The following TPD52L1 variants were observed in gnomAD, a reference collection of about 807,000 sequenced individuals.
TPD52L1 encodes the protein TPD52 like 1.
Under a neutral mutation model 28.7 loss-of-function variants are expected in TPD52L1, and 18 were observed. The observed-to-expected ratio is 0.63, with a 90% CI of 0.43 to 0.93. The LOEUF is 0.93. TPD52L1 is among the 40% of genes least tolerant of loss of function. The pLI, the probability that TPD52L1 is intolerant of heterozygous loss-of-function variation, is 0.00. For synonymous variants in TPD52L1, 75 were observed against 88.8 expected, an observed-to-expected ratio of 0.84 and a Z score of 0.88; for missense variants, 203 against 254.8, an observed-to-expected ratio of 0.80 and a Z score of 1.39.
In TPD52L1 at chr6:125,220,146, A is replaced by G. The variant is rs202167306; in HGVS notation, c.88A>G (p.Met30Val). The G allele has an allele frequency of 6.2e-7, 1 of 1,613,904 alleles. No individual in the cohort carries two copies. Among genetic ancestry groups the G allele is most frequent in the Non-Finnish European group, 8.5e-7 (1 of 1,179,806 alleles). The change falls in exon 2 of 7, where the codon ATG becomes GTG. Residue 30 changes from methionine (M) to valine (V), a missense_variant. Physicochemically the swap from Met to Val is conservative, Grantham distance 21. Coordinates refer to ENST00000534000, the MANE Select transcript of TPD52L1 (RefSeq NM_003287.4). The stretch of plus-strand genomic sequence containing the variant: ...AGTAGCCAGTGCTGACTTCTCTAGC[A>G]TGCTCTCTGAGGAGGAAAAGGAAGA... Reference protein sequence around the residue: ...DAVASADFSSMLSEEEKEELK... With the variant: ...DAVASADFSSVLSEEEKEELK...
chr6:125,209,180 G>A (rs191063167), intron 1 of TPD52L1, among the ~76,000 whole-genome samples: 2 of 152,306 alleles, frequency 1.3e-5, no homozygotes, highest in South Asian at 2.1e-4. Flanking sequence ...ATGGCCACAT[G>A]ACCCAAATGA....
intron 1 of TPD52L1, chr6:125,214,417 C>T (rs1008314667): frequency 3.1e-6 from 3 of 981,036 alleles, no homozygotes; most frequent in Admixed American, 6.2e-5. Flanking sequence ...CTCCTTTCCT[C>T]TTCCCACAAT....
At chr6:125,217,558 C>T (rs1794966894) in intron 1 of TPD52L1, among the ~76,000 whole-genome samples, 1 of 152,044 alleles carries the variant, frequency 6.6e-6, no homozygotes, top group South Asian at 2.1e-4. Flanking sequence ...GTAATGCAAG[C>T]AGTGGGGAGT....
rs1170368190 is a variant in TPD52L1, at chr6:125,172,205, CTTCT to C, written c.19+18247_19+18250del. 1.5e-4 allele frequency among the ~76,000 whole-genome samples: 15 copies of C among 98,946 alleles called. No individual in the cohort carries two copies. The East Asian group carries it at 2.4e-3, about 16-fold the overall frequency. 64.9% of individuals were successfully genotyped at this position (98,946 alleles called of 152,430 possible). A position where few individuals can be genotyped will look rare whatever the true frequency, so the allele number is the denominator to read the frequency against. ...TCTTTCTTTCTTTCTTTCTTTCTTT[CTTCT>C]TTCTTTCTTTCCTTCCTTCCTCTTT... On this transcript the variant is annotated intron_variant, in intron 1 of 6. Coordinates refer to ENST00000534000, the MANE Select transcript of TPD52L1 (RefSeq NM_003287.4).
chr6:125,217,217 A>G (rs1027356431), intron 1 of TPD52L1, among the ~76,000 whole-genome samples: 5 of 152,184 alleles, frequency 3.3e-5, no homozygotes, highest in Admixed American at 1.3e-4. Context: ...TAATTTTTCC[A>G]CAGACAAAGG....
intron 1 of TPD52L1, among the ~76,000 whole-genome samples, chr6:125,214,690 G>A (rs776975563): frequency 6.6e-6 from 1 of 152,156 alleles, no homozygotes; most frequent in Non-Finnish European, 1.5e-5. Flanking sequence ...TCCTGCCACT[G>A]GCAGATGGAT....
At chr6:125,261,445 T>A (rs952022334) in intron 6 of TPD52L1, 1 of 152,164 alleles carries the variant, frequency 6.6e-6, no homozygotes, top group Non-Finnish European at 1.5e-5. Context: ...AATAGCAACA[T>A]TATTTATTCT....
intron 1 of TPD52L1, among the ~76,000 whole-genome samples, chr6:125,193,933 C>T (rs1187460124): frequency 6.6e-6 from 1 of 151,366 alleles, no homozygotes; most frequent in African/African-American, 2.4e-5. Flanking sequence ...TTTCTTGAGG[C>T]TAACACTGAT....
At chr6:125,234,265 T>C (rs1193190484) in intron 3 of TPD52L1, 1 of 152,246 alleles carries the variant, frequency 6.6e-6, no homozygotes, top group Admixed American at 6.5e-5. Context: ...TTGAGCCTTG[T>C]TGGGAAGTGC....
At chr6:125,254,209 T>TCC (rs1797453664) in intron 5 of TPD52L1, among the ~76,000 whole-genome samples, 1 of 152,196 alleles carries the variant, frequency 6.6e-6, no homozygotes, top group Non-Finnish European at 1.5e-5. Context: ...TCATTAGGAT[T>TCC]TTTAAGGTGG....
intron 1 of TPD52L1, among the ~76,000 whole-genome samples, chr6:125,164,780 C>T (rs1790767014): frequency 6.6e-6 from 1 of 151,972 alleles, no homozygotes; most frequent in Admixed American, 6.6e-5. Flanking sequence ...TGTCCTTAAG[C>T]GACTCTAGCC....
intron 6 of TPD52L1, chr6:125,262,570 G>A (rs1387572231): frequency 2.8e-6 from 1 of 356,580 alleles, no homozygotes; most frequent in Non-Finnish European, 5.1e-6. Flanking sequence ...CTCCTGAAGG[G>A]ATTAAAATCT....
At chr6:125,223,133 T>A (rs1476568216) in intron 2 of TPD52L1, among the ~76,000 whole-genome samples, 1 of 152,230 alleles carries the variant, frequency 6.6e-6, no homozygotes, top group Admixed American at 6.5e-5. Context: ...TTATTTCAGG[T>A]TGACACCTCC....
At chr6:125,258,840 T>C (rs946674473) in intron 6 of TPD52L1, among the ~76,000 whole-genome samples, 5 of 152,116 alleles carry the variant, frequency 3.3e-5, no homozygotes. Flanking sequence ...CTTGTATGAC[T>C]GTTCATGGTT....
At chr6:125,261,459 T>C (rs923566628) in intron 6 of TPD52L1, 2 of 152,166 alleles carry the variant, frequency 1.3e-5, no homozygotes, top group African/African-American at 4.8e-5. Flanking sequence ...TTATTCTATA[T>C]CTTCTTTTTC....
rs997322610 is a variant in TPD52L1 at position 125,186,185 on chromosome 6, G to T, written c.19+32215G>T. Among the ~76,000 whole-genome samples, 19 of 152,090 alleles carry T rather than the reference G, an allele frequency of 1.2e-4. 1 individual carries two copies. Among genetic ancestry groups the T allele is most frequent in the Admixed American group, 1.1e-3 (17 of 15,280 alleles). ...AAGCATGAGCCACCGTGGCTGGCCT[G>T]GAAACTAGATTTTTAAACCTAGAGC... is the stretch of plus-strand genomic sequence containing the variant. On this transcript the variant is annotated intron_variant, in intron 1 of 6. Transcript: ENST00000534000.
At chr6:125,196,451 A>C (rs1793447047) in intron 1 of TPD52L1, among the ~76,000 whole-genome samples, 1 of 152,260 alleles carries the variant, frequency 6.6e-6, no homozygotes. Flanking sequence ...AAATGCAAAA[A>C]AGTCTAAATA....
chr6:125,238,873 A>G (rs762786302), intron 3 of TPD52L1, among the ~76,000 whole-genome samples: 74 of 152,364 alleles, frequency 4.9e-4, no homozygotes, highest in Non-Finnish European at 4.0e-4. Flanking sequence ...TTATCCAGTC[A>G]TCAGTTGATG....
chr6:125,218,392 G>C (rs1174987456), intron 1 of TPD52L1, among the ~76,000 whole-genome samples: 1 of 152,120 alleles, frequency 6.6e-6, no homozygotes, highest in Middle Eastern at 3.2e-3. Context: ...ATTAACATTT[G>C]TGATTTCTGT....
Sources: allele counts gnomAD v4.1 joint callset (sites outside exome capture counted in the v4.1 genomes callset), GRCh38; gene constraint gnomAD v4.1.1; transcripts MANE v1.5; gene names NCBI Gene and HGNC (gene_info 2026-07-23, HGNC 2026-07-21).